ANKRD28: variants seen among roughly 807,000 people sequenced by gnomAD.
ANKRD28 encodes the protein serine/threonine-protein phosphatase 6 regulatory ankyrin repeat subunit A.
A neutral mutation model predicts 126.5 loss-of-function variants in ANKRD28; 44 were observed. The ratio of observed to expected loss-of-function variants is 0.35; its 90% confidence interval spans 0.27 to 0.45. ANKRD28 has a LOEUF of 0.45. Ranked by LOEUF, ANKRD28 falls within the 20% of genes least tolerant of loss-of-function variation. ANKRD28 has a pLI of 1.00. For missense variants in ANKRD28, 1,110 were observed against 1,316.6 expected (o/e 0.84, Z 2.43); for synonymous variants, 442 against 468.5 (o/e 0.94, Z 0.73).
Position 15,714,570 on chromosome 3 carries a change from CT to C in ANKRD28, c.1075+7del. On this transcript the variant is annotated splice_region_variant and intron_variant, in intron 9 of 27. Coordinates refer to ENST00000683139, the MANE Select transcript of ANKRD28 (RefSeq NM_001349278.2). The stretch of plus-strand genomic sequence containing the variant: ...AAACCCCAAAAAAAAAACAGAAATA[CT>C]TTTTACCACTCTGGATAATGGTTTG... The C allele has an allele frequency of 8.1e-7, 1 of 1,236,244 alleles. No homozygotes were observed. Among genetic ancestry groups the C allele is most frequent in the East Asian group, 2.8e-5 (1 of 35,362 alleles). The allele number at this position is 1,236,244 out of a possible 1,614,324, so 76.6% of individuals were successfully genotyped here. A position where few individuals can be genotyped will look rare whatever the true frequency, so the allele number is the denominator to read the frequency against.
chr3:15,742,268 C>A (rs2057099189), intron 4 of ANKRD28, among the ~76,000 whole-genome samples: 1 of 151,564 alleles, frequency 6.6e-6, no homozygotes, highest in Non-Finnish European at 1.5e-5. Flanking sequence ...CTCTGCCCGG[C>A]CGCCATCCCA....
intron 2 of ANKRD28, among the ~76,000 whole-genome samples, chr3:15,778,058 C>G (rs1025326816): frequency 6.6e-6 from 1 of 152,140 alleles, no homozygotes; most frequent in Non-Finnish European, 1.5e-5. Flanking sequence ...GCGTATCATA[C>G]ATAAGTATCT....
upstream of ANKRD28, among the ~76,000 whole-genome samples, chr3:15,799,072 T>TA (rs1165116266): frequency 6.6e-6 from 1 of 152,018 alleles, no homozygotes; most frequent in Non-Finnish European, 1.5e-5. Context: ...TTTAAACACA[T>TA]ACTCTTTCTA....
At chr3:15,747,634 C>T (rs1236907879) in intron 4 of ANKRD28, among the ~76,000 whole-genome samples, 3 of 152,114 alleles carry the variant, frequency 2.0e-5, no homozygotes, top group Non-Finnish European at 4.4e-5. Context: ...TTTTGGAGAA[C>T]ATTTCATGTG....
intron 10 of ANKRD28, 35 bp from the exon 11 acceptor site, chr3:15,712,257 T>C (rs1431436181): frequency 6.7e-7 from 1 of 1,487,038 alleles, no homozygotes; most frequent in South Asian, 1.2e-5. Context: ...ATCTTCATTT[T>C]AACACAAGAA....
intron 1 of ANKRD28, among the ~76,000 whole-genome samples, chr3:15,856,069 C>A (rs927545457): frequency 2.0e-5 from 3 of 152,146 alleles, no homozygotes; most frequent in African/African-American, 7.2e-5. Flanking sequence ...AAACTGGTTC[C>A]TTACTAGTCC....
chr3:15,809,741 A>G (rs933772898), intron 1 of ANKRD28, among the ~76,000 whole-genome samples: 5 of 152,242 alleles, frequency 3.3e-5, no homozygotes, highest in Non-Finnish European at 7.4e-5. Flanking sequence ...AAAAGTCCTG[A>G]TTAACAATTA....
chr3:15,797,031 TA>T lies in ANKRD28; in HGVS notation c.-511del. 5.1e-6 allele frequency: 5 copies of T among 985,092 alleles called. No individual in the cohort carries two copies. The highest frequency in any genetic ancestry group is 6.0e-6 in the Non-Finnish European group (5 of 829,804). The allele number at this position is 985,092 out of a possible 1,614,324, so 61.0% of individuals were successfully genotyped here. A position where few individuals can be genotyped will look rare whatever the true frequency, so the allele number is the denominator to read the frequency against. On this transcript the variant is annotated 5_prime_UTR_variant, in exon 1 of 28. Transcript: ENST00000683139. ...TAGCTGTTTTGCTTATAATTGAAAA[TA>T]AAAAATAAAATCTCACTATTCTGTT... is the stretch of plus-strand genomic sequence containing the variant.
chr3:15,841,811 C>CT (rs1200725893), intron 1 of ANKRD28, among the ~76,000 whole-genome samples: 5 of 151,976 alleles, frequency 3.3e-5, no homozygotes, highest in African/African-American at 1.2e-4. Flanking sequence ...AAAGGGAACC[C>CT]TTGTACACTG....
chr3:15,690,349 C>A, intron 17 of ANKRD28, 129 bp from the exon 18 acceptor site: 1 of 753,408 alleles, frequency 1.3e-6, no homozygotes, highest in Non-Finnish European at 2.1e-6. Context: ...CAAACTTCTA[C>A]ATCGAGAATT....
rs540726381 is a variant in ANKRD28 at position 15,717,753 on chromosome 3, T to C, written c.997-3097A>G. Among the ~76,000 whole-genome samples the C allele has an allele frequency of 1.8e-3, 280 of 152,318 alleles. 1 individual carries two copies. The highest frequency in any genetic ancestry group is 3.7e-3 in the Non-Finnish European group (249 of 68,020). On this transcript the variant is annotated intron_variant, in intron 8 of 27. Coordinates refer to ENST00000683139, the MANE Select transcript of ANKRD28 (RefSeq NM_001349278.2). The stretch of plus-strand genomic sequence containing the variant: ...GTGTGCATATAAATGAAGCAATCAG[T>C]GCAGTAAGGCTCATGTCAAGCAGTT...
In ANKRD28 at chr3:15,797,569, A is replaced by AG. The variant is rs796262225; in HGVS notation, c.-1049dup. ...CTTTTTGTTTTCTTTAAAAAAAAAA[A>AG]GGGGGGGGAAAAACATAGTAGTGTA... On this transcript the variant is annotated 5_prime_UTR_variant, in exon 1 of 28. The change abolishes the stop of an existing upstream ORF in the 5' untranslated region. Transcript: ENST00000683139. The AG allele has an allele frequency of 3.5e-3, 3,436 of 981,056 alleles. 2 individuals are homozygous for AG. The highest frequency in any genetic ancestry group is 5.7e-3 in the African/African-American group (322 of 56,568). 60.8% of individuals were successfully genotyped at this position (981,056 alleles called of 1,614,324 possible).
chr3:15,739,493 G>C lies in ANKRD28; in HGVS notation c.352-2260C>G, dbSNP rs146865048. Among the ~76,000 whole-genome samples the C allele has an allele frequency of 4.3e-3, 655 of 152,198 alleles. 8 individuals are homozygous for C. The highest frequency in any genetic ancestry group is 0.014 in the African/African-American group (587 of 41,528). On this transcript the variant is annotated intron_variant, in intron 4 of 27. Transcript: ENST00000683139. ...AAACGACCAAAACCGAAAGAGATCT[G>C]GGTTCTCATGTCAATTCTATTATTT...
intron 1 of ANKRD28, among the ~76,000 whole-genome samples, chr3:15,852,461 T>G (rs2061673290): frequency 6.6e-6 from 1 of 152,228 alleles, no homozygotes; most frequent in African/African-American, 2.4e-5. Context: ...TCTTTGGACT[T>G]AAATCCTGAG....
chr3:15,857,670 C>T (rs7612540), intron 1 of ANKRD28, among the ~76,000 whole-genome samples: 101,866 of 152,150 alleles, frequency 0.67, 34,624 homozygotes, highest in East Asian at 0.91. Context: ...TTTCTCACAA[C>T]TGCAATTCCA....
In ANKRD28 at chr3:15,846,298, C is replaced by A. The variant is rs868746180; in HGVS notation, c.27+13079G>T. Among the ~76,000 whole-genome samples, 3 of 152,200 alleles carry A rather than the reference C, an allele frequency of 2.0e-5. No homozygotes were observed. Among genetic ancestry groups the A allele is most frequent in the Non-Finnish European group, 2.9e-5 (2 of 68,028 alleles). On this transcript the variant is annotated intron_variant, in intron 1 of 27. Transcript: ENST00000399451. The surrounding 1 kb of genome is among the most constrained non-coding windows in gnomAD (Gnocchi z 5.4). ...GGCCAAAACAAAGAGGCTACTGGCCCCATGCAAGTCTGAAACCCAGCAAGG... is the reference window on the plus strand; with the variant it reads ...GGCCAAAACAAAGAGGCTACTGGCCACATGCAAGTCTGAAACCCAGCAAGG...
chr3:15,715,041 T>A (rs924968855), intron 8 of ANKRD28, among the ~76,000 whole-genome samples: 14 of 152,164 alleles, frequency 9.2e-5, no homozygotes, highest in Non-Finnish European at 1.6e-4. Flanking sequence ...TGGATACATT[T>A]AAAAAAATAA....
chr3:15,763,686 T>G (rs2058604781), intron 3 of ANKRD28, among the ~76,000 whole-genome samples: 2 of 152,152 alleles, frequency 1.3e-5, no homozygotes, highest in East Asian at 3.9e-4. Flanking sequence ...GAAACAGCAG[T>G]GCGAAGAACC....
rs201442494 is a variant in ANKRD28, at chr3:15,721,104, T to G, written c.807A>C (p.Gly269=). Residue 269 remains glycine (G), a synonymous_variant, in exon 8 of 28, where the codon GGA becomes GGC. Transcript: ENST00000683139. ...GVDMNEPNAY[G]NTPLHVACYN... is the part of the protein sequence containing the mutation. ...AGCAGGCTACATGAAGAGGTGTATT[T>G]CCATAGGCATTTGGTTCATTCATCT... The G allele has an allele frequency of 9.9e-6, 16 of 1,612,384 alleles. No individual in the cohort carries two copies. Among genetic ancestry groups the G allele is most frequent in the Non-Finnish European group, 1.4e-5 (16 of 1,179,410 alleles).
Sources: allele counts gnomAD v4.1 joint callset (sites outside exome capture counted in the v4.1 genomes callset), GRCh38; gene constraint gnomAD v4.1.1; non-coding constraint Gnocchi (gnomAD v3.1); transcripts MANE v1.5; gene names NCBI Gene and HGNC (gene_info 2026-07-23, HGNC 2026-07-21).